GALNT13: variants seen among roughly 807,000 people sequenced by gnomAD.
The protein encoded by GALNT13 is polypeptide N-acetylgalactosaminyltransferase 13.
A neutral mutation model predicts 64.2 loss-of-function variants in GALNT13; 28 were observed. The ratio of observed to expected loss-of-function variants is 0.44; its 90% CI spans 0.32 to 0.60. GALNT13 has a LOEUF of 0.60. GALNT13 is among the 20% of genes least tolerant of loss of function. GALNT13 has a pLI of 0.05. For synonymous variants in GALNT13, 214 were observed against 224.6 expected (o/e 0.95, Z 0.42); for missense variants, 577 against 669.8 (o/e 0.86, Z 1.53).
At chr2:154,279,088 G>A (rs1045476356) in intron 8 of GALNT13, among the ~76,000 whole-genome samples, 2 of 152,118 alleles carry the variant, frequency 1.3e-5, no homozygotes, top group African/African-American at 4.8e-5. Context: ...TAGCAATAAA[G>A]AATATCTGTG....
chr2:153,837,640 A>G, the GALNT13 span, among the ~76,000 whole-genome samples: 1 of 152,082 alleles, frequency 6.6e-6, no homozygotes, highest in East Asian at 1.9e-4. Flanking sequence ...CTATAGATAG[A>G]CATCACATTT....
the GALNT13 span, among the ~76,000 whole-genome samples, chr2:153,502,800 T>TC: frequency 6.6e-6 from 1 of 152,254 alleles, no homozygotes; most frequent in Non-Finnish European, 1.5e-5. Flanking sequence ...AAGGTTGGTA[T>TC]CACATTGTGG....
At chr2:153,801,698 G>C in the GALNT13 span, among the ~76,000 whole-genome samples, 1 of 152,088 alleles carries the variant, frequency 6.6e-6, no homozygotes, top group African/African-American at 2.4e-5. Context: ...GTGACACAGA[G>C]ACATGAACTG....
chr2:153,178,927 G>A, the GALNT13 span, among the ~76,000 whole-genome samples: 39 of 151,352 alleles, frequency 2.6e-4, no homozygotes, highest in African/African-American at 9.2e-4. Context: ...TTTTTTAGTA[G>A]AGATGGGGTT....
At chr2:153,578,072 G>A in the GALNT13 span, among the ~76,000 whole-genome samples, 1 of 151,876 alleles carries the variant, frequency 6.6e-6, no homozygotes, top group Non-Finnish European at 1.5e-5. Context: ...CTTTTTTAAT[G>A]TCTTAAACTC....
chr2:153,796,353 A>T, the GALNT13 span, among the ~76,000 whole-genome samples: 1 of 152,138 alleles, frequency 6.6e-6, no homozygotes, highest in Non-Finnish European at 1.5e-5. Context: ...GCGAAAGGTG[A>T]CCTGTGCTGG....
chr2:153,885,528 C>T (rs540507287), intron 1 of GALNT13, among the ~76,000 whole-genome samples: 30 of 151,992 alleles, frequency 2.0e-4, no homozygotes, highest in African/African-American at 7.2e-4. Flanking sequence ...ATCTCCATTT[C>T]ACCTGTTTTC....
the GALNT13 span, among the ~76,000 whole-genome samples, chr2:153,430,176 T>C: frequency 6.6e-6 from 1 of 152,150 alleles, no homozygotes; most frequent in Non-Finnish European, 1.5e-5. Context: ...CTATTGAGGT[T>C]TGAGAAGATT....
chr2:153,117,372 T>C, the GALNT13 span, among the ~76,000 whole-genome samples: 1 of 152,324 alleles, frequency 6.6e-6, no homozygotes, highest in Middle Eastern at 3.4e-3. Context: ...AAGGCTTATA[T>C]AGTCCAGATT....
intron 9 of GALNT13, among the ~76,000 whole-genome samples, chr2:154,358,132 A>G (rs1047457834): frequency 6.6e-6 from 1 of 152,040 alleles, no homozygotes; most frequent in Admixed American, 6.6e-5. Context: ...CTCTTACACA[A>G]ATTACATGTG....
chr2:153,418,501 C>G, the GALNT13 span, among the ~76,000 whole-genome samples: 1 of 152,034 alleles, frequency 6.6e-6, no homozygotes, highest in African/African-American at 2.4e-5. Flanking sequence ...TCACAGGGGC[C>G]AAATGAGGAA....
At chr2:154,029,709 G>T (rs1428484097) in intron 3 of GALNT13, among the ~76,000 whole-genome samples, 4 of 152,084 alleles carry the variant, frequency 2.6e-5, no homozygotes, top group Admixed American at 6.6e-5. Flanking sequence ...AAAATAAAAA[G>T]AATTTTATAA....
chr2:153,648,818 A>G, the GALNT13 span, among the ~76,000 whole-genome samples: 1 of 152,100 alleles, frequency 6.6e-6, no homozygotes, highest in Non-Finnish European at 1.5e-5. Flanking sequence ...GATGAAGCCC[A>G]CTTGATCATG....
At chr2:154,183,105 A>G (rs866085654) in intron 4 of GALNT13, among the ~76,000 whole-genome samples, 2 of 152,176 alleles carry the variant, frequency 1.3e-5, no homozygotes, top group East Asian at 1.9e-4. Flanking sequence ...AAGCATTGGC[A>G]TTGAATCTTC....
intron 3 of GALNT13, among the ~76,000 whole-genome samples, chr2:154,115,232 T>C (rs1703220519): frequency 6.6e-6 from 1 of 152,200 alleles, no homozygotes; most frequent in African/African-American, 2.4e-5. Flanking sequence ...GTGGGACATA[T>C]TTTAATCCAT....
At position 153,995,259 on chromosome 2, in the gene GALNT13, C is replaced by T. The variant is rs114776373; in HGVS notation, c.142+50620C>T. ...ACTTGTTTAAAATGCATAAAATCAA[C>T]GCCTTTGATTTGCCTATTTAATAAA... On this transcript the variant is annotated intron_variant, in intron 3 of 12. Coordinates refer to ENST00000392825, the MANE Select transcript of GALNT13 (RefSeq NM_052917.4). 5.5e-3 allele frequency among the ~76,000 whole-genome samples: 837 copies of T among 152,084 alleles called. 6 individuals carry two copies. The highest frequency in any genetic ancestry group is 0.019 in the African/African-American group (779 of 41,502).
chr2:154,093,515 C>CA lies in GALNT13; in HGVS notation c.143-46821dup, dbSNP rs567105712. Among the ~76,000 whole-genome samples the CA allele has an allele frequency of 1.4e-3, 220 of 151,868 alleles. 1 individual carries two copies. The highest frequency in any genetic ancestry group is 2.5e-3 in the Non-Finnish European group (169 of 67,896). On this transcript the variant is annotated intron_variant, in intron 3 of 12. Transcript: ENST00000392825. ...GTGAGTGTCCAGCATACTGTGGCAC[C>CA]ACAAAGAAGGAAAACAGTTCAAACT...
the GALNT13 span, among the ~76,000 whole-genome samples, chr2:153,196,133 G>A: frequency 2.0e-5 from 3 of 152,116 alleles, no homozygotes; most frequent in Non-Finnish European, 4.4e-5. Flanking sequence ...TTCCCACTCC[G>A]GTTCCCATCC....
At chr2:154,284,681 G>A (rs1692161188) in intron 8 of GALNT13, among the ~76,000 whole-genome samples, 1 of 151,968 alleles carries the variant, frequency 6.6e-6, no homozygotes, top group African/African-American at 2.4e-5. Context: ...CTTCATATAT[G>A]AATTTCAATT....
Sources: gnomAD v4.1 joint callset for allele counts (sites outside exome capture counted in the v4.1 genomes callset) on GRCh38, gnomAD v4.1.1 for gene constraint, MANE v1.5 for transcripts, NCBI Gene and HGNC (gene_info 2026-07-23, HGNC 2026-07-21) for gene names.